The following MEGF11 variants were observed in gnomAD, a reference collection of about 807,000 sequenced individuals.
MEGF11 encodes multiple EGF like domains 11, also known as multiple epidermal growth factor-like domains protein 11.
Under a neutral mutation model 146.6 loss-of-function variants are expected in MEGF11, and 126 were observed. That is an observed-to-expected ratio of 0.86 (90% CI 0.74 to 1.00). The LOEUF is 1.00. Ranked by LOEUF, MEGF11 falls within the 50% of genes least tolerant of loss-of-function variation. The probability of loss-of-function intolerance (pLI) is 0.00; values close to 1 mark genes in which losing one functional copy is unlikely to be tolerated. For synonymous variants in MEGF11, 532 were observed against 583.4 expected (o/e 0.91, Z 1.27); for missense variants, 1,509 against 1,521.2 (o/e 0.99, Z 0.13).
chr15:66,054,015 G>A (rs1419218153), intron 5 of MEGF11, among the ~76,000 whole-genome samples: 1 of 151,938 alleles, frequency 6.6e-6, no homozygotes, highest in African/African-American at 2.4e-5. Context: ...GAGCCACCAT[G>A]CCCGGCCTCC....
At position 66,179,764 on chromosome 15, in the gene MEGF11, T is replaced by G. The variant is rs191137129; in HGVS notation, c.-8-51353A>C. Among the ~76,000 whole-genome samples, 532 of 151,876 alleles carry G rather than the reference T, an allele frequency of 3.5e-3. 3 individuals carry two copies. Among genetic ancestry groups the G allele is most frequent in the African/African-American group, 0.012 (504 of 41,392 alleles). ...GTGGATACTTATCTAATCTATGAAC[T>G]CCTTGAAGACAAGGATTGTCTTATC... On this transcript the variant is annotated intron_variant, in intron 1 of 25. Transcript: ENST00000395614.
At chr15:65,970,205 CAT>C (rs144263555) in intron 8 of MEGF11, among the ~76,000 whole-genome samples, 15,812 of 152,188 alleles carry the variant, frequency 0.1, 1,075 homozygotes, top group Middle Eastern at 0.2. Context: ...TCGTGCAAAA[CAT>C]ATGAATGAAG....
At chr15:65,984,978 G>A (rs1270896293) in intron 5 of MEGF11, among the ~76,000 whole-genome samples, 2 of 151,518 alleles carry the variant, frequency 1.3e-5, no homozygotes, top group Non-Finnish European at 2.9e-5. Context: ...CATGTTGGCC[G>A]GGTTGGTCTC....
At chr15:66,088,744 G>C (rs1567234918) in intron 5 of MEGF11, among the ~76,000 whole-genome samples, 1 of 152,126 alleles carries the variant, frequency 6.6e-6, no homozygotes, top group Non-Finnish European at 1.5e-5. Flanking sequence ...AGTCAGAAAG[G>C]GACAAATACT....
intron 10 of MEGF11, among the ~76,000 whole-genome samples, chr15:65,935,322 GAAAAAAAAAAAAAAAAAAAAAAAAAAAA>G (rs71139449): frequency 1.1e-4 from 4 of 35,208 alleles, no homozygotes; most frequent in African/African-American, 1.4e-4. Flanking sequence ...TCCGTCTCAA[GAAAAAAAAAAAAAAAAAAAAAAAAAAAA>G]AAAAAAAAAA....
At chr15:66,163,138 T>C (rs2090000932) in intron 1 of MEGF11, among the ~76,000 whole-genome samples, 1 of 152,140 alleles carries the variant, frequency 6.6e-6, no homozygotes, top group Non-Finnish European at 1.5e-5. Flanking sequence ...CACACCCATG[T>C]TGGGAAACAG....
chr15:65,947,743 G>C (rs1482908794), intron 10 of MEGF11, among the ~76,000 whole-genome samples: 1 of 152,156 alleles, frequency 6.6e-6, no homozygotes, highest in Non-Finnish European at 1.5e-5. Context: ...CATCTATGCT[G>C]AAGACTTGGA....
chr15:66,204,979 A>ATTTTTTTTTTTTTTTTTTTTT, intron 1 of MEGF11, among the ~76,000 whole-genome samples: 1 of 125,160 alleles, frequency 8.0e-6, no homozygotes, highest in Non-Finnish European at 1.7e-5. Flanking sequence ...CTTGGGTTGA[A>ATTTTTTTTTTTTTTTTTTTTT]TTTTTTTTTT....
At chr15:66,134,964 G>C (rs1156710771) in intron 1 of MEGF11, among the ~76,000 whole-genome samples, 1 of 152,250 alleles carries the variant, frequency 6.6e-6, no homozygotes, top group African/African-American at 2.4e-5. Context: ...GGGAATGGTG[G>C]AGTCCACCTG....
chr15:66,173,980 C>T (rs1441899458), intron 1 of MEGF11, among the ~76,000 whole-genome samples: 1 of 152,212 alleles, frequency 6.6e-6, no homozygotes, highest in Non-Finnish European at 1.5e-5. Flanking sequence ...TAGCCTGAGA[C>T]ATGCTCCCAT....
intron 1 of MEGF11, among the ~76,000 whole-genome samples, chr15:66,199,454 T>C (rs1372435068): frequency 6.6e-6 from 1 of 152,106 alleles, no homozygotes; most frequent in Non-Finnish European, 1.5e-5. Context: ...GCCTTGATGT[T>C]TCAGAGACTC....
chr15:66,113,928 A>G (rs2087583170), intron 4 of MEGF11, among the ~76,000 whole-genome samples: 1 of 151,980 alleles, frequency 6.6e-6, no homozygotes, highest in African/African-American at 2.4e-5. Flanking sequence ...TCTCAAGTGT[A>G]GTTCCCATCC....
chr15:65,981,548 C>G (rs1045942750), intron 6 of MEGF11, among the ~76,000 whole-genome samples: 2 of 152,154 alleles, frequency 1.3e-5, no homozygotes, highest in East Asian at 1.9e-4. Flanking sequence ...AACAACGTCT[C>G]TGTGGTCAGA....
chr15:66,110,942 C>G (rs1208834596), intron 4 of MEGF11, among the ~76,000 whole-genome samples: 11 of 152,150 alleles, frequency 7.2e-5, no homozygotes, highest in Admixed American at 4.6e-4. Context: ...CCCTCCTCCC[C>G]CTCCAAACCT....
chr15:65,952,878 A>G (rs1467326835), intron 10 of MEGF11, among the ~76,000 whole-genome samples: 1 of 152,210 alleles, frequency 6.6e-6, no homozygotes, highest in Non-Finnish European at 1.5e-5. Flanking sequence ...AAGTGATTCT[A>G]TCACTGCTGC....
intron 5 of MEGF11, among the ~76,000 whole-genome samples, chr15:66,087,262 T>C (rs966926846): frequency 2.0e-5 from 3 of 152,100 alleles, no homozygotes; most frequent in African/African-American, 7.2e-5. Context: ...ACTAGACAGG[T>C]CATCAAGACA....
intron 5 of MEGF11, among the ~76,000 whole-genome samples, chr15:66,074,468 C>T (rs987023860): frequency 3.3e-5 from 5 of 152,324 alleles, no homozygotes; most frequent in East Asian, 1.9e-4. Context: ...TGCAGGCTTG[C>T]GCCTGTTGGA....
chr15:66,188,034 T>G (rs2090758726), intron 1 of MEGF11, among the ~76,000 whole-genome samples: 1 of 152,192 alleles, frequency 6.6e-6, no homozygotes, highest in African/African-American at 2.4e-5. Context: ...GCTGGATAAT[T>G]CTGTGCTGGG....
chr15:66,238,715 T>G (rs1441060018), intron 1 of MEGF11, among the ~76,000 whole-genome samples: 1 of 152,178 alleles, frequency 6.6e-6, no homozygotes, highest in African/African-American at 2.4e-5. Flanking sequence ...TCAGCATGTC[T>G]CACACCCTCC....
Sources: gnomAD v4.1 joint callset for allele counts (sites outside exome capture counted in the v4.1 genomes callset) on GRCh38, gnomAD v4.1.1 for gene constraint, MANE v1.5 for transcripts, NCBI Gene and HGNC (gene_info 2026-07-23, HGNC 2026-07-21) for gene names.